The following MYOM1 variants were observed in gnomAD, a reference collection of about 807,000 sequenced individuals.
MYOM1 encodes the protein myomesin 1.
Under a neutral mutation model 205.3 loss-of-function variants are expected in MYOM1, and 164 were observed. The observed-to-expected ratio is 0.80, with a 90% CI of 0.70 to 0.91. MYOM1 has a LOEUF of 0.91. Ranked by LOEUF, MYOM1 falls within the 40% of genes least tolerant of loss-of-function variation. The probability of loss-of-function intolerance (pLI) is 0.00; values close to 1 mark genes in which losing one functional copy is unlikely to be tolerated. For synonymous variants in MYOM1, 772 were observed against 789.4 expected (o/e 0.98, Z 0.37); for missense variants, 2,011 against 2,127.3 (o/e 0.95, Z 1.08).
intron 13 of MYOM1, among the ~76,000 whole-genome samples, chr18:3,143,832 T>G (rs2080084388): frequency 7.3e-6 from 1 of 137,868 alleles, no homozygotes; most frequent in Non-Finnish European, 1.5e-5. Context: ...GCCCAAGAGG[T>G]CGAGGCTGCA....
At chr18:3,172,966 C>T (rs1298832778) in intron 8 of MYOM1, among the ~76,000 whole-genome samples, 1 of 152,196 alleles carries the variant, frequency 6.6e-6, no homozygotes, top group African/African-American at 2.4e-5. Flanking sequence ...TCCATGAAAT[C>T]AGTGGAGCAG....
chr18:3,149,219 T>A lies in MYOM1; in HGVS notation c.1844-18A>T, dbSNP rs557428277. The A allele has an allele frequency of 3.7e-6, 6 of 1,606,204 alleles. No homozygotes were observed. The highest frequency in any genetic ancestry group is 5.1e-6 in the Non-Finnish European group (6 of 1,175,426). On this transcript the variant is annotated intron_variant, in intron 12 of 37. Transcript: ENST00000356443. Reference sequence around the variant, plus strand: ...GGGGCGACCTGAATAAAGACAAATATAAGAATCACAAACGTTTACAAGTGT... The same window carrying A: ...GGGGCGACCTGAATAAAGACAAATAAAAGAATCACAAACGTTTACAAGTGT...
chr18:3,224,307 C>G (rs1458538178), upstream of MYOM1, among the ~76,000 whole-genome samples: 2 of 152,188 alleles, frequency 1.3e-5, no homozygotes, highest in Non-Finnish European at 2.9e-5. Context: ...CAGGCATGAG[C>G]TACTGCACCC....
At chr18:3,232,061 G>A in the MYOM1 span, among the ~76,000 whole-genome samples, 13 of 151,510 alleles carry the variant, frequency 8.6e-5, 1 homozygote, top group South Asian at 1.7e-3. Context: ...CAGGAGCAGC[G>A]ACTCACACCT....
At chr18:3,116,059 G>A (rs1035935904) in intron 21 of MYOM1, among the ~76,000 whole-genome samples, 1 of 152,186 alleles carries the variant, frequency 6.6e-6, no homozygotes, top group Non-Finnish European at 1.5e-5. Flanking sequence ...AAAATGTGTA[G>A]TGGGTAAGTT....
chr18:3,134,579 T>C lies in MYOM1; in HGVS notation c.2384+71A>G, dbSNP rs1320315143. The stretch of plus-strand genomic sequence containing the variant: ...TTTTAAAAAAATCTCCTCCATTGGA[T>C]GTCTGTGTGCCGTATGTGTCTATGG... On this transcript the variant is annotated intron_variant, in intron 16 of 37. Transcript: ENST00000356443. 1.9e-5 allele frequency: 28 copies of C among 1,460,368 alleles called. No individual in the cohort carries two copies. In the East Asian group the frequency reaches 6.0e-4, roughly 32 times the overall value. 90.5% of individuals were successfully genotyped at this position (1,460,368 alleles called of 1,614,324 possible). A position where few individuals can be genotyped will look rare whatever the true frequency, so the allele number is the denominator to read the frequency against.
chr18:3,067,153 C>T lies in MYOM1; in HGVS notation c.*109G>A. Reference sequence around the variant, plus strand: ...GTGAAAGACCTGACATTATTTTCCCCTCAAGCCAGAAAATAATAGGGAGGA... The same window carrying T: ...GTGAAAGACCTGACATTATTTTCCCTTCAAGCCAGAAAATAATAGGGAGGA... On this transcript the variant is annotated 3_prime_UTR_variant, in exon 38 of 38. Coordinates refer to ENST00000356443, the MANE Select transcript of MYOM1 (RefSeq NM_003803.4). 1 of 1,251,752 alleles carries T rather than the reference C, an allele frequency of 8.0e-7. No homozygotes were observed. 77.5% of individuals were successfully genotyped at this position (1,251,752 alleles called of 1,614,324 possible).
intron 19 of MYOM1, among the ~76,000 whole-genome samples, chr18:3,124,386 T>C (rs1567918825): frequency 6.8e-6 from 1 of 146,062 alleles, no homozygotes; most frequent in East Asian, 2.0e-4. Flanking sequence ...CACTGCAAGC[T>C]CCGCCTCCCA....
intron 29 of MYOM1, among the ~76,000 whole-genome samples, chr18:3,087,290 A>G (rs1440905065): frequency 6.7e-6 from 1 of 150,196 alleles, no homozygotes; most frequent in Non-Finnish European, 1.5e-5. Context: ...AAAAGATACT[A>G]GTTCCTCAGG....
chr18:3,238,953 C>T, the MYOM1 span, among the ~76,000 whole-genome samples: 13 of 152,326 alleles, frequency 8.5e-5, no homozygotes, highest in East Asian at 5.8e-4. Flanking sequence ...CTTGTGGCAA[C>T]GCTGGGTATA....
intron 23 of MYOM1, among the ~76,000 whole-genome samples, chr18:3,100,858 C>A (rs2079365837): frequency 6.6e-6 from 1 of 152,218 alleles, no homozygotes; most frequent in Admixed American, 6.5e-5. Flanking sequence ...GAGCTCAAAG[C>A]ATCTGTATTC....
chr18:3,221,070 G>T (rs2081324918), upstream of MYOM1, among the ~76,000 whole-genome samples: 1 of 152,172 alleles, frequency 6.6e-6, no homozygotes. Flanking sequence ...GCCCAGGCTG[G>T]AGTGCAGTGG....
Position 3,137,151 on chromosome 18 carries a change from G to A in MYOM1, c.2026-1421C>T, listed in dbSNP as rs374503880. Among the ~76,000 whole-genome samples, 290 of 151,976 alleles carry A rather than the reference G, an allele frequency of 1.9e-3. 1 individual carries two copies. The highest frequency in any genetic ancestry group is 5.6e-3 in the African/African-American group (232 of 41,474). On this transcript the variant is annotated intron_variant, in intron 14 of 37. Transcript: ENST00000356443. ...ATTTTTAGTAGAGGGGGGTTTCACCGTGTTAGCCAGGATGGTCTCGATCTC... is the reference window on the plus strand; with the variant it reads ...ATTTTTAGTAGAGGGGGGTTTCACCATGTTAGCCAGGATGGTCTCGATCTC...
intron 8 of MYOM1, among the ~76,000 whole-genome samples, chr18:3,170,622 C>G (rs1398196843): frequency 6.6e-6 from 1 of 152,132 alleles, no homozygotes; most frequent in Non-Finnish European, 1.5e-5. Context: ...GTAATCAACT[C>G]TCCTAGGCTT....
At chr18:3,163,739 C>T (rs2080428842) in intron 10 of MYOM1, among the ~76,000 whole-genome samples, 1 of 151,926 alleles carries the variant, frequency 6.6e-6, no homozygotes, top group Non-Finnish European at 1.5e-5. Flanking sequence ...CAGGCATGAG[C>T]CACCGGGCCT....
intron 2 of MYOM1, among the ~76,000 whole-genome samples, chr18:3,205,520 T>C (rs1403982983): frequency 6.6e-6 from 1 of 152,164 alleles, no homozygotes; most frequent in Non-Finnish European, 1.5e-5. Context: ...AACAAAACTC[T>C]ATTACACACA....
At chr18:3,073,521 A>T (rs1320536310) in intron 36 of MYOM1, among the ~76,000 whole-genome samples, 1 of 152,236 alleles carries the variant, frequency 6.6e-6, no homozygotes, top group Non-Finnish European at 1.5e-5. Flanking sequence ...GCCACCTGTA[A>T]GCCTAACCCT....
intron 23 of MYOM1, 51 bp from the exon 24 acceptor site, chr18:3,100,477 G>A (rs763041229): frequency 1.2e-5 from 17 of 1,363,166 alleles, no homozygotes; most frequent in Non-Finnish European, 1.7e-5. Flanking sequence ...GGATCTGTGG[G>A]CCTGTGTTTC....
chr18:3,150,096 G>T (rs903083487), intron 12 of MYOM1, among the ~76,000 whole-genome samples: 1 of 152,148 alleles, frequency 6.6e-6, no homozygotes, highest in African/African-American at 2.4e-5. Flanking sequence ...GTCTCGCTCT[G>T]TCGCCTAGGC....
Sources: allele counts gnomAD v4.1 joint callset (sites outside exome capture counted in the v4.1 genomes callset), GRCh38; gene constraint gnomAD v4.1.1; transcripts MANE v1.5; gene names NCBI Gene and HGNC (gene_info 2026-07-23, HGNC 2026-07-21).